The following XPO7 variants were observed in gnomAD, a reference collection of about 807,000 sequenced individuals.
XPO7 encodes the protein exportin-7.
In XPO7, 21 loss-of-function variants were observed where a neutral mutation model predicts 144.3. The observed-to-expected ratio is 0.15, with a 90% CI of 0.10 to 0.21. The LOEUF is 0.21. Among genes scored for constraint, XPO7 ranks in the 10% least tolerant of loss-of-function variants. The pLI, the probability that XPO7 is intolerant of heterozygous loss-of-function variation, is 1.00. For missense variants in XPO7, 808 were observed against 1,325.8 expected (o/e 0.61, Z 6.06); for synonymous variants, 580 against 499.6 (o/e 1.16, Z -2.15).
rs186019313 is a variant in XPO7, at chr8:21,946,475, C to T, written c.19-20382C>T. ...ATACTGTTCAGATTACAGCACGGGG[C>T]GACAAAGGACATGAAAACTGCAAGT... On this transcript the variant is annotated intron_variant, in intron 1 of 27. Transcript: ENST00000252512. Among the ~76,000 whole-genome samples, 728 of 148,782 alleles carry T rather than the reference C, an allele frequency of 4.9e-3. 7 individuals carry two copies. The highest frequency in any genetic ancestry group is 0.017 in the African/African-American group (702 of 40,424).
At chr8:22,002,345 C>G in intron 25 of XPO7, 73 bp downstream of exon 25, 1 of 1,516,894 alleles carries the variant, frequency 6.6e-7, no homozygotes, top group Non-Finnish European at 8.9e-7. Flanking sequence ...GACAGGGGAG[C>G]CCACACACGA....
chr8:21,997,350 A>G (rs1472938988), intron 21 of XPO7, among the ~76,000 whole-genome samples: 1 of 152,252 alleles, frequency 6.6e-6, no homozygotes, highest in Middle Eastern at 3.2e-3. Context: ...ATTAAGTGCC[A>G]TGAAACAAAA....
At position 21,942,376 on chromosome 8, in the gene XPO7, T is replaced by C. The variant is rs191224299; in HGVS notation, c.18+22588T>C. ...ATATGTGATTCATTTAAAATAACCATCTTAAACCCATTTTAGACATTATTG... is the reference window on the plus strand; with the variant it reads ...ATATGTGATTCATTTAAAATAACCACCTTAAACCCATTTTAGACATTATTG... On this transcript the variant is annotated intron_variant, in intron 1 of 27. Coordinates refer to ENST00000252512, the MANE Select transcript of XPO7 (RefSeq NM_015024.5). Among the ~76,000 whole-genome samples the C allele has an allele frequency of 9.8e-5, 15 of 152,358 alleles. No homozygotes were observed. The East Asian group carries it at 2.9e-3, about 29-fold the overall frequency.
chr8:21,995,274 T>G (rs1812908638), intron 20 of XPO7, among the ~76,000 whole-genome samples: 1 of 152,156 alleles, frequency 6.6e-6, no homozygotes, highest in African/African-American at 2.4e-5. Flanking sequence ...AAAGGCCCTA[T>G]GTAAACTAAA....
At chr8:21,936,833 T>C (rs1481465993) in intron 1 of XPO7, among the ~76,000 whole-genome samples, 1 of 152,192 alleles carries the variant, frequency 6.6e-6, no homozygotes, top group African/African-American at 2.4e-5. Context: ...GTTTTTCTCT[T>C]CTTTTTTCAT....
intron 1 of XPO7, among the ~76,000 whole-genome samples, chr8:21,923,621 A>G (rs1490639972): frequency 6.6e-6 from 1 of 152,256 alleles, no homozygotes; most frequent in Non-Finnish European, 1.5e-5. Context: ...TTAACACAGA[A>G]AAAACAAAAT....
chr8:21,943,093 C>T (rs1811048026), intron 1 of XPO7, among the ~76,000 whole-genome samples: 1 of 152,182 alleles, frequency 6.6e-6, no homozygotes, highest in South Asian at 2.1e-4. Context: ...ATGAAAATAG[C>T]TTAGCTCTTA....
chr8:21,958,168 A>C (rs1237916536), intron 1 of XPO7, among the ~76,000 whole-genome samples: 1 of 152,184 alleles, frequency 6.6e-6, no homozygotes, highest in Non-Finnish European at 1.5e-5. Context: ...TCTATGGAGA[A>C]GTATGTACTG....
At chr8:21,961,811 C>T (rs950345046) in intron 1 of XPO7, among the ~76,000 whole-genome samples, 21 of 151,994 alleles carry the variant, frequency 1.4e-4, no homozygotes, top group African/African-American at 4.8e-5. Context: ...TACAGGCACA[C>T]GCCACCACAT....
chr8:21,959,365 T>G (rs1262027432), intron 1 of XPO7, among the ~76,000 whole-genome samples: 1 of 152,208 alleles, frequency 6.6e-6, no homozygotes, highest in African/African-American at 2.4e-5. Flanking sequence ...CTTCATTGAC[T>G]TTTACAACCT....
intron 1 of XPO7, among the ~76,000 whole-genome samples, chr8:21,933,607 C>T (rs1404139249): frequency 1.3e-5 from 2 of 152,096 alleles, no homozygotes; most frequent in Non-Finnish European, 2.9e-5. Flanking sequence ...AACACTGTAA[C>T]ATTTTTTATA....
intron 26 of XPO7, among the ~76,000 whole-genome samples, chr8:22,003,542 T>C (rs958219273): frequency 1.1e-4 from 16 of 152,150 alleles, no homozygotes; most frequent in African/African-American, 3.6e-4. Context: ...TAAAGGAGTG[T>C]TTCCCCTAGG....
chr8:21,929,607 C>G (rs1350263677), intron 1 of XPO7, among the ~76,000 whole-genome samples: 1 of 152,188 alleles, frequency 6.6e-6, no homozygotes, highest in Non-Finnish European at 1.5e-5. Flanking sequence ...TTTCCTGGTG[C>G]TAAGTCCTGA....
Position 21,994,245 on chromosome 8 carries a change from A to G in XPO7, c.2149-118A>G, listed in dbSNP as rs191096037. 11 of 620,666 alleles carry G rather than the reference A, an allele frequency of 1.8e-5. No homozygotes were observed. In the African/African-American group the frequency reaches 2.0e-4, roughly 11 times the overall value. The allele number at this position is 620,666 out of a possible 1,614,324, so 38.4% of individuals were successfully genotyped here. On this transcript the variant is annotated intron_variant, in intron 19 of 27. Transcript: ENST00000252512. Reference sequence around the variant, plus strand: ...AGATATTGAATCCGAATATTTGAGAAGGAGTATATGTTGAACTGTGAGAGA... The same window carrying G: ...AGATATTGAATCCGAATATTTGAGAGGGAGTATATGTTGAACTGTGAGAGA...
chr8:21,966,720 G>A (rs1811896989), intron 1 of XPO7, 137 bp from the exon 2 acceptor site: 1 of 1,236,352 alleles, frequency 8.1e-7, no homozygotes, highest in Admixed American at 2.9e-5. Flanking sequence ...TTAGGTGAAT[G>A]TTACCCAGGT....
At chr8:21,949,577 A>C (rs1811302985) in intron 1 of XPO7, among the ~76,000 whole-genome samples, 1 of 152,350 alleles carries the variant, frequency 6.6e-6, no homozygotes, top group Admixed American at 6.5e-5. Flanking sequence ...GAAGAGCAAT[A>C]TGGTGAACAT....
intron 1 of XPO7, among the ~76,000 whole-genome samples, chr8:21,963,363 G>A (rs990037932): frequency 2.0e-5 from 3 of 152,134 alleles, no homozygotes; most frequent in South Asian, 2.1e-4. Flanking sequence ...GTCTGTGATT[G>A]GAACTCTCCA....
chr8:21,947,473 C>T (rs1168903710), intron 1 of XPO7, among the ~76,000 whole-genome samples: 2 of 152,102 alleles, frequency 1.3e-5, no homozygotes, highest in African/African-American at 2.4e-5. Context: ...AGCCAGTTTG[C>T]GTGAATTGAA....
chr8:21,982,047 C>CAAGT (rs1345046264), intron 10 of XPO7, among the ~76,000 whole-genome samples, 170 bp downstream of exon 10: 1 of 152,026 alleles, frequency 6.6e-6, no homozygotes, highest in East Asian at 1.9e-4. Context: ...TACACAAGTG[C>CAAGT]AAGTAGTGTG....
Sources: gnomAD v4.1 joint callset for allele counts (sites outside exome capture counted in the v4.1 genomes callset) on GRCh38, gnomAD v4.1.1 for gene constraint, MANE v1.5 for transcripts, NCBI Gene and HGNC (gene_info 2026-07-23, HGNC 2026-07-21) for gene names.